Variants in FGF13 observed in about 807,000 individuals in gnomAD.
FGF13 encodes fibroblast growth factor homologous factor 2.
FGF13 carries 2 observed loss-of-function variants against 19.5 expected under a neutral mutation model. That is an observed-to-expected ratio of 0.10 (90% CI 0.04 to 0.32). The LOEUF is 0.32. Among genes scored for constraint, FGF13 ranks in the 10% least tolerant of loss-of-function variants. The pLI, the probability that FGF13 is intolerant of heterozygous loss-of-function variation, is 1.00. For missense variants in FGF13, 113 were observed against 192.7 expected, an observed-to-expected ratio of 0.59 and a Z score of 2.45; for synonymous variants, 72 against 76.9, an observed-to-expected ratio of 0.94 and a Z score of 0.33.
At chrX:139,109,337 CAT>C (rs766397863) in intron 1 of FGF13, among the ~76,000 whole-genome samples, 15 of 111,637 alleles carry the variant, frequency 1.3e-4, no homozygotes, top group South Asian at 3.8e-4. Flanking sequence ...GATGTCAACA[CAT>C]GTCACATGTG....
chrX:138,952,110 G>A (rs988044060), intron 1 of FGF13, among the ~76,000 whole-genome samples: 6 of 111,259 alleles, frequency 5.4e-5, no homozygotes, highest in Non-Finnish European at 9.4e-5. Flanking sequence ...AAAAGAGCCC[G>A]CATTGCCAAG....
At chrX:139,182,894 G>T (rs1480278441) in intron 1 of FGF13, among the ~76,000 whole-genome samples, 1 of 111,473 alleles carries the variant, frequency 9.0e-6, no homozygotes, top group African/African-American at 3.3e-5. Context: ...CAAGCTTAGT[G>T]GGTGCTTAAT....
chrX:139,080,386 T>G (rs1190798588), intron 1 of FGF13, among the ~76,000 whole-genome samples: 1 of 111,977 alleles, frequency 8.9e-6, no homozygotes, highest in Non-Finnish European at 1.9e-5. Context: ...TCAATACTTG[T>G]GTAGAAGTAT....
chrX:139,066,422 A>C (rs1057175905), intron 1 of FGF13, among the ~76,000 whole-genome samples: 2 of 111,892 alleles, frequency 1.8e-5, no homozygotes, highest in Admixed American at 9.5e-5. Context: ...CAGACTAATA[A>C]AGAAGGAAAG....
At chrX:139,203,968 G>A (rs1569464246), upstream of FGF13, 1 of 979,501 alleles carries the variant, frequency 1.0e-6, no homozygotes, top group East Asian at 3.1e-5. Flanking sequence ...CTCCGGGAAG[G>A]AGGCAAGGAG....
chrX:138,931,115 C>T (rs146771331), intron 1 of FGF13, among the ~76,000 whole-genome samples: 2,830 of 112,699 alleles, frequency 0.025, 78 homozygotes, highest in African/African-American at 0.087. Context: ...TTTGGGACTA[C>T]TGACTCTAAC....
At chrX:138,957,222 A>G (rs1005058630) in intron 1 of FGF13, among the ~76,000 whole-genome samples, 6 of 112,160 alleles carry the variant, frequency 5.3e-5, no homozygotes, top group Non-Finnish European at 7.5e-5. Context: ...ACCATGTTGT[A>G]GTGAGAAGAA....
chrX:139,051,479 A>G (rs764932975), intron 1 of FGF13, among the ~76,000 whole-genome samples: 5 of 111,697 alleles, frequency 4.5e-5, no homozygotes, highest in Non-Finnish European at 9.4e-5. Context: ...CAAAAGAACT[A>G]CTTGGGTCAT....
intron 1 of FGF13, among the ~76,000 whole-genome samples, chrX:139,016,861 AT>A (rs2092155410): frequency 9.0e-6 from 1 of 110,956 alleles, no homozygotes; most frequent in African/African-American, 3.3e-5. Flanking sequence ...TTCCTAATTT[AT>A]TTTCTGTGTT....
intron 3 of FGF13, among the ~76,000 whole-genome samples, chrX:138,846,894 A>G (rs760360585): frequency 9.0e-6 from 1 of 111,430 alleles, no homozygotes; most frequent in Non-Finnish European, 1.9e-5. Context: ...TCAGTTCCTT[A>G]AAGGTAAGGG....
At chrX:138,933,300 T>C (rs1012372292) in intron 1 of FGF13, among the ~76,000 whole-genome samples, 1 of 111,754 alleles carries the variant, frequency 8.9e-6, no homozygotes, top group African/African-American at 3.3e-5. Flanking sequence ...AAACCAAAAA[T>C]ATTTGGAGGA....
chrX:139,053,472 C>G (rs1160959508), intron 1 of FGF13, among the ~76,000 whole-genome samples: 1 of 105,590 alleles, frequency 9.5e-6, no homozygotes, highest in Non-Finnish European at 1.9e-5. Context: ...GGTATTGCAT[C>G]GTGGTTTTGA....
intron 1 of FGF13, among the ~76,000 whole-genome samples, chrX:139,157,407 TG>T (rs1216494622): frequency 1.8e-5 from 2 of 112,001 alleles, no homozygotes; most frequent in African/African-American, 6.5e-5. Flanking sequence ...GTTCATGTGT[TG>T]GAAACTTAAT....
At chrX:138,868,373 TG>T (rs2124161088) in intron 1 of FGF13, among the ~76,000 whole-genome samples, 1 of 110,838 alleles carries the variant, frequency 9.0e-6, no homozygotes, top group South Asian at 3.9e-4. Flanking sequence ...AGTGTGTGTG[TG>T]TGTGCGTGTG....
At chrX:139,064,372 G>A (rs1268117807) in intron 1 of FGF13, among the ~76,000 whole-genome samples, 2 of 67,499 alleles carry the variant, frequency 3.0e-5, no homozygotes, top group African/African-American at 1.4e-4. Context: ...GCGCAATCTC[G>A]GCTCACTGCA....
At chrX:138,983,414 T>TTATATATATATATATATATATATATATA (rs377155816) in intron 1 of FGF13, among the ~76,000 whole-genome samples, 23 of 81,185 alleles carry the variant, frequency 2.8e-4, no homozygotes, top group South Asian at 7.3e-4. Flanking sequence ...TAAGTTGATC[T>TTATATATATATATATATATATATATATA]TATATATATA....
intron 1 of FGF13, among the ~76,000 whole-genome samples, chrX:138,874,772 G>A (rs1169666633): frequency 1.8e-5 from 2 of 111,920 alleles, no homozygotes; most frequent in Non-Finnish European, 3.8e-5. Context: ...CTGGTCAGCA[G>A]AAGAGTAACT....
At chrX:139,037,160 T>A (rs1018284562) in intron 1 of FGF13, among the ~76,000 whole-genome samples, 10 of 110,942 alleles carry the variant, frequency 9.0e-5, no homozygotes, top group African/African-American at 3.0e-4. Flanking sequence ...CAGAAAAAAA[T>A]TTAGTGTATT....
At chrX:139,024,599 C>T (rs1386042148) in intron 1 of FGF13, among the ~76,000 whole-genome samples, 4 of 111,834 alleles carry the variant, frequency 3.6e-5, no homozygotes, top group Non-Finnish European at 7.5e-5. Flanking sequence ...TAAACATTCT[C>T]GTTGTGTGTT....
Sources: gnomAD v4.1 joint callset for allele counts (sites outside exome capture counted in the v4.1 genomes callset) on GRCh38, gnomAD v4.1.1 for gene constraint, MANE v1.5 for transcripts, NCBI Gene and HGNC (gene_info 2026-07-23, HGNC 2026-07-21) for gene names.